The following TENM4 variants were observed in gnomAD, a reference collection of about 807,000 sequenced individuals.
The protein encoded by TENM4 is teneurin-4.
TENM4 carries 82 observed loss-of-function variants against 243.3 expected under a neutral mutation model. That is an observed-to-expected ratio of 0.34 (90% CI 0.28 to 0.40). TENM4 has a LOEUF of 0.40. TENM4 is among the 10% of genes least tolerant of loss of function. The pLI, the probability that TENM4 is intolerant of heterozygous loss-of-function variation, is 1.00. For missense variants in TENM4, 3,138 were observed against 3,673.3 expected (o/e 0.85, Z 3.77); for synonymous variants, 1,412 against 1,456.3 (o/e 0.97, Z 0.69).
Position 78,835,718 on chromosome 11 carries a change from T to C in TENM4, c.1681+18386A>G, listed in dbSNP as rs146523366. 2.1e-3 allele frequency among the ~76,000 whole-genome samples: 325 copies of C among 152,330 alleles called. 2 individuals carry two copies. The highest frequency in any genetic ancestry group is 7.2e-3 in the African/African-American group (301 of 41,576). ...TTTGAGGTCTCAGCTTAGATGTCGC[T>C]GTCATGTACTTAATATAAACCTTCC... On this transcript the variant is annotated intron_variant, in intron 12 of 33. Coordinates refer to ENST00000278550, the MANE Select transcript of TENM4 (RefSeq NM_001098816.3).
chr11:79,315,579 T>C (rs1856790113), intron 1 of TENM4, among the ~76,000 whole-genome samples: 1 of 152,182 alleles, frequency 6.6e-6, no homozygotes. Flanking sequence ...GTGTGGTCTG[T>C]AGACACACGG....
At chr11:79,112,820 C>T (rs529985381) in intron 4 of TENM4, among the ~76,000 whole-genome samples, 196 of 152,256 alleles carry the variant, frequency 1.3e-3, no homozygotes, top group Non-Finnish European at 2.4e-3. Flanking sequence ...GGCAGAGCCC[C>T]ACCTCCTCCA....
At chr11:79,043,953 A>G (rs1859598543) in intron 6 of TENM4, among the ~76,000 whole-genome samples, 1 of 152,120 alleles carries the variant, frequency 6.6e-6, no homozygotes. Context: ...GAGGAGGTGA[A>G]CTGGTGACAT....
chr11:79,256,772 C>G (rs1400722404), intron 2 of TENM4, among the ~76,000 whole-genome samples: 1 of 152,146 alleles, frequency 6.6e-6, no homozygotes, highest in Non-Finnish European at 1.5e-5. Flanking sequence ...AGGAGACTTT[C>G]AGATTTCAGG....
chr11:79,126,001 A>C (rs1861868584), intron 4 of TENM4, among the ~76,000 whole-genome samples: 1 of 152,226 alleles, frequency 6.6e-6, no homozygotes, highest in South Asian at 2.1e-4. Flanking sequence ...ATAATGGTAG[A>C]AGAAACAGAG....
At chr11:78,808,113 A>G (rs1565387611) in intron 14 of TENM4, among the ~76,000 whole-genome samples, 2 of 152,226 alleles carry the variant, frequency 1.3e-5, no homozygotes, top group Admixed American at 1.3e-4. Context: ...GTAACCTGGT[A>G]TATTTGACTT....
At chr11:78,804,031 T>G (rs914362629) in intron 15 of TENM4, among the ~76,000 whole-genome samples, 1 of 152,164 alleles carries the variant, frequency 6.6e-6, no homozygotes, top group Non-Finnish European at 1.5e-5. Flanking sequence ...GCTACATGGA[T>G]CTCATTTTTG....
At chr11:78,684,586 C>T (rs993889588) in intron 29 of TENM4, among the ~76,000 whole-genome samples, 1 of 152,102 alleles carries the variant, frequency 6.6e-6, no homozygotes, top group African/African-American at 2.4e-5. Context: ...CTAGTGCTGA[C>T]CATGGTCCTG....
intron 1 of TENM4, among the ~76,000 whole-genome samples, chr11:79,381,676 C>G (rs942772904): frequency 6.6e-6 from 1 of 151,282 alleles, no homozygotes; most frequent in Admixed American, 6.6e-5. Context: ...TGATATCCGA[C>G]GTTCACTTGA....
intron 1 of TENM4, among the ~76,000 whole-genome samples, chr11:79,321,079 C>A (rs568748470): frequency 8.5e-5 from 13 of 152,342 alleles, no homozygotes; most frequent in Middle Eastern, 3.4e-3. Flanking sequence ...GGCCTAGCTT[C>A]AGGGTTAGTG....
intron 1 of TENM4, among the ~76,000 whole-genome samples, chr11:79,431,808 A>G (rs1283815188): frequency 6.6e-6 from 1 of 152,228 alleles, no homozygotes; most frequent in Non-Finnish European, 1.5e-5. Context: ...GTCCCTAACC[A>G]TTAGCCCAAA....
rs183620509 is a variant in TENM4, at chr11:79,276,328, C to T, written c.-265+21160G>A. On this transcript the variant is annotated intron_variant, in intron 2 of 33. Coordinates refer to ENST00000278550, the MANE Select transcript of TENM4 (RefSeq NM_001098816.3). ...ACTCTGCTCACCCAGCCTTGTGCCC[C>T]GGTGCCGGGCTATGTCTGCCTGGAG... Among the ~76,000 whole-genome samples the T allele has an allele frequency of 3.7e-4, 56 of 152,346 alleles. 1 individual carries two copies. Among genetic ancestry groups the T allele is most frequent in the African/African-American group, 1.2e-3 (51 of 41,576 alleles).
chr11:79,416,876 G>T (rs1858825905), intron 1 of TENM4, among the ~76,000 whole-genome samples: 2 of 117,310 alleles, frequency 1.7e-5, no homozygotes, highest in Non-Finnish European at 1.8e-5. Context: ...CCAGACAATG[G>T]CAAAAAAAAA....
intron 18 of TENM4, among the ~76,000 whole-genome samples, chr11:78,764,315 T>G (rs958086247): frequency 6.6e-6 from 1 of 152,218 alleles, no homozygotes. Flanking sequence ...AACTGGGAAT[T>G]TGGTCCATTA....
intron 4 of TENM4, among the ~76,000 whole-genome samples, chr11:79,142,335 C>T (rs1325117264): frequency 6.7e-6 from 1 of 150,132 alleles, no homozygotes; most frequent in African/African-American, 2.5e-5. Context: ...TATATGCCAA[C>T]AGCAAACAAT....
At chr11:79,259,841 G>C (rs1348185607) in intron 2 of TENM4, among the ~76,000 whole-genome samples, 2 of 152,208 alleles carry the variant, frequency 1.3e-5, no homozygotes, top group Non-Finnish European at 2.9e-5. Flanking sequence ...CTCTTTTGTT[G>C]TCATTTACTG....
At chr11:78,978,347 TAAGAAAAGAAAAGAAAAGAA>T (rs61346145) in intron 6 of TENM4, among the ~76,000 whole-genome samples, 21 of 137,846 alleles carry the variant, frequency 1.5e-4, no homozygotes, top group East Asian at 4.3e-4. Context: ...GAACTTAAAG[TAAGAAAAGAAAAGAAAAGAA>T]AAGAAAAGAA....
intron 1 of TENM4, among the ~76,000 whole-genome samples, chr11:79,311,563 T>C (rs7950085): frequency 0.2 from 29,752 of 152,192 alleles, 3,036 homozygotes; most frequent in African/African-American, 0.25. Context: ...GCCCACAATA[T>C]ACAGTTTTTT....
intron 6 of TENM4, among the ~76,000 whole-genome samples, chr11:78,938,927 C>T (rs1433345615): frequency 6.6e-6 from 1 of 152,186 alleles, no homozygotes; most frequent in Non-Finnish European, 1.5e-5. Flanking sequence ...TTTGGACTAA[C>T]GAAGCCCAGA....
Sources: allele counts gnomAD v4.1 joint callset (sites outside exome capture counted in the v4.1 genomes callset), GRCh38; gene constraint gnomAD v4.1.1; transcripts MANE v1.5; gene names NCBI Gene and HGNC (gene_info 2026-07-23, HGNC 2026-07-21).